The following RTL9 variants were observed in gnomAD, a reference collection of about 807,000 sequenced individuals.
RTL9 encodes the protein retrotransposon Gag like 9, also known as retrotransposon Gag-like protein 9.
A neutral mutation model predicts 44.7 loss-of-function variants in RTL9; 19 were observed. The observed-to-expected ratio is 0.42, with a 90% CI of 0.30 to 0.62. RTL9 has a LOEUF of 0.62. Ranked by LOEUF, RTL9 falls within the 20% of genes least tolerant of loss-of-function variation. The probability of loss-of-function intolerance (pLI) is 0.16; values close to 1 mark genes in which losing one functional copy is unlikely to be tolerated. For synonymous variants in RTL9, 407 were observed against 398.9 expected, an observed-to-expected ratio of 1.02 and a Z score of -0.24; for missense variants, 1,105 against 1,080.6, an observed-to-expected ratio of 1.02 and a Z score of -0.32.
At chrX:110,453,048 A>C in exon 1 of RTL9, 2 of 1,211,628 alleles carry the variant, frequency 1.7e-6, no homozygotes, top group Non-Finnish European at 2.2e-6. Context: ...CACGCCTCTG[A>C]GATCCCCAGC....
chrX:110,364,132 T>C (rs1005260400), intron 1 of RTL9, among the ~76,000 whole-genome samples: 3 of 111,273 alleles, frequency 2.7e-5, no homozygotes, highest in African/African-American at 9.8e-5. Context: ...TGCCTCTTCC[T>C]AGCGGTTCCA....
chrX:110,368,030 G>A (rs1207677244), intron 1 of RTL9, among the ~76,000 whole-genome samples: 3 of 104,409 alleles, frequency 2.9e-5, no homozygotes, highest in African/African-American at 1.0e-4. Flanking sequence ...TGTAGAAACA[G>A]ATGTCTTGCT....
At chrX:110,398,224 A>G (rs1038746690) in intron 1 of RTL9, among the ~76,000 whole-genome samples, 1 of 112,330 alleles carries the variant, frequency 8.9e-6, no homozygotes, top group African/African-American at 3.2e-5. Context: ...GCTGTCAGGC[A>G]GGTGAACCCG....
chrX:110,378,008 C>CAAAAAAAAAAAAA lies in RTL9; in HGVS notation c.-168+19104_-168+19116dup, dbSNP rs755483656. 3.2e-4 allele frequency among the ~76,000 whole-genome samples: 10 copies of CAAAAAAAAAAAAA among 30,948 alleles called. 1 individual carries two copies. Among genetic ancestry groups the CAAAAAAAAAAAAA allele is most frequent in the African/African-American group, 1.4e-3 (10 of 7,245 alleles). 26.9% of individuals were successfully genotyped at this position (30,948 alleles called of 115,157 possible). ...TGGGCGACAGAGCGAGACTCCGTCTCAAAAAAAAAAAAAAAAAAAAAAAAT... is the reference window on the plus strand; with the variant it reads ...TGGGCGACAGAGCGAGACTCCGTCTCAAAAAAAAAAAAAAAAAAAAAAAAAAAAAAAAAAAAAT... On this transcript the variant is annotated intron_variant, in intron 1 of 2. Transcript: ENST00000520821.
At chrX:110,429,354 A>G (rs1336864871) in intron 1 of RTL9, among the ~76,000 whole-genome samples, 2 of 111,591 alleles carry the variant, frequency 1.8e-5, no homozygotes, top group Non-Finnish European at 3.8e-5. Flanking sequence ...AACAGTAGAC[A>G]CTGCAAACCT....
chrX:110,378,031 A>AAAT (rs1481955905), intron 1 of RTL9, among the ~76,000 whole-genome samples: 38 of 107,590 alleles, frequency 3.5e-4, no homozygotes, highest in African/African-American at 1.2e-3. Context: ...AAAAAAAAAA[A>AAAT]ATATCTACCT....
chrX:110,408,995 C>G (rs906259860), intron 1 of RTL9, among the ~76,000 whole-genome samples: 4 of 111,718 alleles, frequency 3.6e-5, no homozygotes, highest in Admixed American at 2.9e-4. Context: ...GATGTTAAGT[C>G]TGATAAGGTT....
At chrX:110,400,629 C>T (rs1274849468) in intron 1 of RTL9, among the ~76,000 whole-genome samples, 1 of 111,596 alleles carries the variant, frequency 9.0e-6, no homozygotes, top group African/African-American at 3.3e-5. Context: ...AATACACTCT[C>T]TTTCCTTGTC....
At chrX:110,372,553 T>G (rs1315489052) in intron 1 of RTL9, among the ~76,000 whole-genome samples, 2 of 111,912 alleles carry the variant, frequency 1.8e-5, no homozygotes, top group Non-Finnish European at 3.8e-5. Context: ...AATGTAAGTA[T>G]ACAGCCCTAC....
intron 1 of RTL9, among the ~76,000 whole-genome samples, chrX:110,412,063 A>C (rs1293471216): frequency 8.8e-6 from 1 of 113,010 alleles, no homozygotes; most frequent in Admixed American, 9.3e-5. Flanking sequence ...TATTAAAAGG[A>C]ACACCAATCA....
chrX:110,438,646 G>A (rs916621456), intron 1 of RTL9, among the ~76,000 whole-genome samples: 1 of 110,843 alleles, frequency 9.0e-6, no homozygotes, highest in Non-Finnish European at 1.9e-5. Flanking sequence ...AAACAAATCC[G>A]GTCTCCACCA....
intron 1 of RTL9, among the ~76,000 whole-genome samples, chrX:110,380,670 C>T (rs1038719861): frequency 8.9e-6 from 1 of 112,234 alleles, no homozygotes; most frequent in Non-Finnish European, 1.9e-5. Flanking sequence ...AAGCTGGAGG[C>T]ATCACATTAC....
At chrX:110,452,732 G>A (rs1186620249) in exon 1 of RTL9, 2 of 1,209,571 alleles carry the variant, frequency 1.7e-6, no homozygotes, top group Admixed American at 2.2e-5. Context: ...CAGGAGTAAT[G>A]CCTGCCTCAC....
intron 1 of RTL9, among the ~76,000 whole-genome samples, chrX:110,405,665 A>C (rs1347507978): frequency 8.9e-6 from 1 of 111,889 alleles, no homozygotes; most frequent in Non-Finnish European, 1.9e-5. Context: ...TAAGTGTTTT[A>C]TATAAGGTAT....
At chrX:110,377,541 T>G (rs758761882) in intron 1 of RTL9, among the ~76,000 whole-genome samples, 3 of 112,227 alleles carry the variant, frequency 2.7e-5, no homozygotes, top group African/African-American at 9.7e-5. Context: ...CGAACTATTA[T>G]GTACTATTCC....
In RTL9 at chrX:110,455,188, T is replaced by C; in HGVS notation, c.4048-14T>C. 1 of 1,209,119 alleles carries C rather than the reference T, an allele frequency of 8.3e-7. No homozygotes were observed. Among genetic ancestry groups the C allele is most frequent in the South Asian group, 1.8e-5 (1 of 56,688 alleles). On this transcript the variant is annotated splice_polypyrimidine_tract_variant and intron_variant, in intron 1 of 1. Transcript: ENST00000540313. ...GTGTGGCTCTTACCTCTGTTGTCTT[T>C]TTCTCACTCCCAGCACCAGCATGTT...
Position 110,428,528 on chromosome X carries a change from GC to G in RTL9, c.-168+9398del, listed in dbSNP as rs1212228325. Among the ~76,000 whole-genome samples the G allele has an allele frequency of 3.3e-4, 37 of 111,045 alleles. No homozygotes were observed. The Admixed American group carries it at 3.4e-3, about 10-fold the overall frequency. On this transcript the variant is annotated intron_variant, in intron 1 of 3. Coordinates refer to the RTL9 transcript ENST00000465301. ...ATCATCAGCCACTATTTCTGTCCAGGCCCCCGTTGCTTTATTGCAATAGCCT... is the reference window on the plus strand; with the variant it reads ...ATCATCAGCCACTATTTCTGTCCAGGCCCCGTTGCTTTATTGCAATAGCCT...
chrX:110,366,145 TA>T (rs1306405096), intron 1 of RTL9, among the ~76,000 whole-genome samples: 1 of 111,777 alleles, frequency 8.9e-6, no homozygotes, highest in Non-Finnish European at 1.9e-5. Flanking sequence ...GGTTTTATCC[TA>T]AAAGTCAGCT....
rs1249219893 is a variant in RTL9 at position 110,426,802 on chromosome X, T to C, written c.-168+7667T>C. On this transcript the variant is annotated intron_variant, in intron 1 of 3. Transcript: ENST00000465301. ...TTAGGGTCAAGGTGAGGACTCATGG[T>C]GCTGAAAATAGGGATTGAGTGGACA... The C allele has an allele frequency of 2.7e-5, 3 of 111,955 alleles. No homozygotes were observed. The Admixed American group carries it at 2.8e-4, about 11-fold the overall frequency. 9.2% of individuals were successfully genotyped at this position (111,955 alleles called of 1,213,427 possible). A position where few individuals can be genotyped will look rare whatever the true frequency, so the allele number is the denominator to read the frequency against.
Sources: gnomAD v4.1 joint callset for allele counts (sites outside exome capture counted in the v4.1 genomes callset) on GRCh38, gnomAD v4.1.1 for gene constraint, MANE v1.5 for transcripts, NCBI Gene and HGNC (gene_info 2026-07-23, HGNC 2026-07-21) for gene names.